The following RIMS1 variants were observed in gnomAD, a reference collection of about 807,000 sequenced individuals.
The protein encoded by RIMS1 is regulating synaptic membrane exocytosis 1.
A neutral mutation model predicts 214.1 loss-of-function variants in RIMS1; 83 were observed. The ratio of observed to expected loss-of-function variants is 0.39; its 90% CI spans 0.32 to 0.47. The LOEUF (loss-of-function observed/expected upper bound fraction) is 0.47. Among genes scored for constraint, RIMS1 ranks in the 20% least tolerant of loss-of-function variants. The pLI, the probability that RIMS1 is intolerant of heterozygous loss-of-function variation, is 0.99. For missense variants in RIMS1, 2,050 were observed against 2,161.8 expected (o/e 0.95, Z 1.03); for synonymous variants, 793 against 786.8 (o/e 1.01, Z -0.13).
At chr6:72,316,178 C>CA (rs2095784180) in intron 28 of RIMS1, among the ~76,000 whole-genome samples, 1 of 152,030 alleles carries the variant, frequency 6.6e-6, no homozygotes, top group Non-Finnish European at 1.5e-5. Flanking sequence ...ACCTTTTTCC[C>CA]AAAAAAGGTG....
intron 6 of RIMS1, chr6:72,217,151 G>T: frequency 6.5e-7 from 1 of 1,535,336 alleles, no homozygotes; most frequent in Non-Finnish European, 8.7e-7. Flanking sequence ...ATGATTTGAT[G>T]CCAGTGGCAT....
Position 72,258,300 on chromosome 6 carries a change from T to A in RIMS1, c.2927+19T>A, listed in dbSNP as rs2076689297. 6.2e-7 allele frequency: 1 copy of A among 1,609,650 alleles called. No individual in the cohort carries two copies. Among genetic ancestry groups the A allele is most frequent in the Non-Finnish European group, 8.5e-7 (1 of 1,176,760 alleles). On this transcript the variant is annotated intron_variant, in intron 17 of 33. Coordinates refer to ENST00000521978, the MANE Select transcript of RIMS1 (RefSeq NM_014989.7). ...TACAGAGGTAGGCTTTGAAATGGGC[T>A]CAGTGTCCCTGACAGTACATTTTTA...
At chr6:72,394,075 G>C (rs1596277426) in intron 31 of RIMS1, among the ~76,000 whole-genome samples, 1 of 150,782 alleles carries the variant, frequency 6.6e-6, no homozygotes, top group African/African-American at 2.4e-5. Flanking sequence ...TTCCTCACAA[G>C]GTAAATATGA....
chr6:72,012,288 C>T (rs940938429), intron 2 of RIMS1, among the ~76,000 whole-genome samples: 20 of 151,898 alleles, frequency 1.3e-4, no homozygotes, highest in East Asian at 3.9e-4. Flanking sequence ...AATGAGAACA[C>T]GTGGACACAG....
chr6:72,060,887 A>G (rs1827670850), intron 2 of RIMS1, among the ~76,000 whole-genome samples: 1 of 152,186 alleles, frequency 6.6e-6, no homozygotes, highest in Non-Finnish European at 1.5e-5. Flanking sequence ...TGTACTTAAC[A>G]CGTTTCCTTA....
chr6:72,233,733 T>C, intron 6 of RIMS1, 40 bp from the exon 7 acceptor site: 1 of 1,395,414 alleles, frequency 7.2e-7, no homozygotes, highest in South Asian at 1.2e-5. Context: ...ACTCTTCTCT[T>C]TAATACCATT....
chr6:71,938,829 A>G (rs1437094423), intron 1 of RIMS1, among the ~76,000 whole-genome samples: 2 of 152,166 alleles, frequency 1.3e-5, no homozygotes, highest in Non-Finnish European at 1.5e-5. Context: ...ACTTATCTCT[A>G]TATCAAACAG....
intron 6 of RIMS1, among the ~76,000 whole-genome samples, chr6:72,218,837 ATATT>A (rs1470497760): frequency 1.3e-5 from 2 of 152,188 alleles, no homozygotes; most frequent in African/African-American, 4.8e-5. Context: ...CTCTACACAT[ATATT>A]TATGAGGGCA....
intron 16 of RIMS1, among the ~76,000 whole-genome samples, chr6:72,254,040 A>G (rs894153188): frequency 6.6e-6 from 1 of 151,844 alleles, no homozygotes; most frequent in Non-Finnish European, 1.5e-5. Context: ...TAATTTTTAT[A>G]TTTTTAGTAG....
intron 4 of RIMS1, among the ~76,000 whole-genome samples, chr6:72,134,590 A>C (rs1380489414): frequency 6.6e-6 from 1 of 152,102 alleles, no homozygotes; most frequent in Non-Finnish European, 1.5e-5. Context: ...ACTGAGTCTC[A>C]GTTTCTTATT....
intron 6 of RIMS1, among the ~76,000 whole-genome samples, chr6:72,197,954 A>C (rs1310655992): frequency 6.6e-6 from 1 of 152,144 alleles, no homozygotes; most frequent in Non-Finnish European, 1.5e-5. Context: ...GGTCATATAC[A>C]AAAAAGAGTT....
intron 29 of RIMS1, among the ~76,000 whole-genome samples, chr6:72,378,744 CAGA>C: frequency 6.6e-6 from 1 of 152,244 alleles, no homozygotes; most frequent in African/African-American, 2.4e-5. Context: ...GAGGCTGAGG[CAGA>C]AGAATCGCTT....
At chr6:72,362,444 G>T (rs559863814) in intron 29 of RIMS1, among the ~76,000 whole-genome samples, 2 of 152,036 alleles carry the variant, frequency 1.3e-5, no homozygotes, top group Non-Finnish European at 2.9e-5. Flanking sequence ...TCGGAATTTT[G>T]TGGAAAGCCC....
At chr6:72,174,743 G>T (rs192911146) in intron 4 of RIMS1, among the ~76,000 whole-genome samples, 60 of 152,094 alleles carry the variant, frequency 3.9e-4, no homozygotes, top group Middle Eastern at 3.4e-3. Context: ...GAGTAACAGT[G>T]GAATCTCAGT....
At chr6:72,193,772 A>G (rs1204411959) in intron 6 of RIMS1, among the ~76,000 whole-genome samples, 2 of 152,148 alleles carry the variant, frequency 1.3e-5, no homozygotes, top group African/African-American at 4.8e-5. Context: ...AACATTCTTC[A>G]TATCTTTATT....
intron 1 of RIMS1, among the ~76,000 whole-genome samples, chr6:71,907,232 C>T (rs1775504388): frequency 6.6e-6 from 1 of 152,062 alleles, no homozygotes; most frequent in African/African-American, 2.4e-5. Context: ...TTGGCTTACC[C>T]CTCAGTTTAT....
At chr6:71,940,752 G>C (rs1205067403) in intron 1 of RIMS1, among the ~76,000 whole-genome samples, 1 of 152,110 alleles carries the variant, frequency 6.6e-6, no homozygotes. Context: ...TTTGATAATT[G>C]GCACTTAATG....
intron 2 of RIMS1, among the ~76,000 whole-genome samples, chr6:71,991,737 T>C (rs1351904365): frequency 6.6e-6 from 1 of 152,188 alleles, no homozygotes; most frequent in Non-Finnish European, 1.5e-5. Context: ...AACTTACTTA[T>C]TTAAAAAATT....
At chr6:71,898,795 T>G (rs1772666976) in intron 1 of RIMS1, among the ~76,000 whole-genome samples, 1 of 152,158 alleles carries the variant, frequency 6.6e-6, no homozygotes, top group Non-Finnish European at 1.5e-5. Context: ...CAGGATTTCA[T>G]TTTTCATTAC....
Sources: allele counts gnomAD v4.1 joint callset (sites outside exome capture counted in the v4.1 genomes callset), GRCh38; gene constraint gnomAD v4.1.1; transcripts MANE v1.5; gene names NCBI Gene and HGNC (gene_info 2026-07-23, HGNC 2026-07-21).